The following MEGF10 variants were observed in gnomAD, a reference collection of about 807,000 sequenced individuals.
MEGF10 encodes the protein multiple EGF like domains 10.
MEGF10 carries 86 observed loss-of-function variants against 147.5 expected under a neutral mutation model. The ratio of observed to expected loss-of-function variants is 0.58; its 90% CI spans 0.49 to 0.70. The LOEUF (loss-of-function observed/expected upper bound fraction) is 0.70, where lower values mean the gene tolerates loss of function less well. Ranked by LOEUF, MEGF10 falls within the 30% of genes least tolerant of loss-of-function variation. The pLI is 0.00. For missense variants in MEGF10, 1,329 were observed against 1,487.3 expected, an observed-to-expected ratio of 0.89 and a Z score of 1.75; for synonymous variants, 478 against 525.5, an observed-to-expected ratio of 0.91 and a Z score of 1.24.
intron 5 of MEGF10, among the ~76,000 whole-genome samples, chr5:127,384,794 A>G (rs189940157): frequency 1.3e-5 from 2 of 152,340 alleles, no homozygotes; most frequent in Admixed American, 1.3e-4. Context: ...CTTTCAGAGT[A>G]TCTGGAAAAT....
chr5:127,245,696 T>C, the MEGF10 span, among the ~76,000 whole-genome samples: 1 of 152,272 alleles, frequency 6.6e-6, no homozygotes, highest in African/African-American at 2.4e-5. Context: ...AGAAAAGTTT[T>C]GCAAACTATC....
chr5:127,246,494 G>A, the MEGF10 span, among the ~76,000 whole-genome samples: 2 of 151,820 alleles, frequency 1.3e-5, no homozygotes, highest in South Asian at 2.1e-4. Flanking sequence ...TAGGAGAAAT[G>A]CCTAATGTAG....
At chr5:127,259,710 C>T in the MEGF10 span, among the ~76,000 whole-genome samples, 2 of 152,134 alleles carry the variant, frequency 1.3e-5, no homozygotes, top group East Asian at 1.9e-4. Flanking sequence ...CACTCTGGAA[C>T]CATGGGAAAC....
chr5:127,420,342 G>A, intron 12 of MEGF10, 135 bp downstream of exon 12: 1 of 936,248 alleles, frequency 1.1e-6, no homozygotes, highest in Non-Finnish European at 1.6e-6. Flanking sequence ...GAAGAATCCA[G>A]GTATTTGGAT....
At chr5:127,391,091 C>CGT (rs1763649673) in intron 5 of MEGF10, among the ~76,000 whole-genome samples, 2 of 23,752 alleles carry the variant, frequency 8.4e-5, no homozygotes, top group Admixed American at 4.2e-4. Context: ...CACACATGCG[C>CGT]GCGCGCGCGC....
chr5:127,338,786 C>A (rs528720374), intron 2 of MEGF10, among the ~76,000 whole-genome samples: 8 of 151,962 alleles, frequency 5.3e-5, no homozygotes, highest in Admixed American at 2.6e-4. Context: ...CTTTGTTATG[C>A]TTTGAGCCCT....
chr5:127,322,513 A>G (rs1192722585), intron 1 of MEGF10, among the ~76,000 whole-genome samples: 2 of 152,136 alleles, frequency 1.3e-5, no homozygotes, highest in Non-Finnish European at 2.9e-5. Flanking sequence ...ATGCCCATAC[A>G]TGTTTTGTAA....
chr5:127,314,602 A>G (rs950899759), intron 1 of MEGF10, among the ~76,000 whole-genome samples: 1 of 152,228 alleles, frequency 6.6e-6, no homozygotes, highest in African/African-American at 2.4e-5. Context: ...CAAAGAGAGA[A>G]GTAAGTTGAC....
chr5:127,287,629 A>AGGG (rs1158454038), upstream of MEGF10, among the ~76,000 whole-genome samples: 2 of 152,016 alleles, frequency 1.3e-5, no homozygotes, highest in African/African-American at 2.4e-5. Context: ...GGTTAGAGGA[A>AGGG]TCGATATTTT....
intron 3 of MEGF10, among the ~76,000 whole-genome samples, chr5:127,339,805 C>T (rs1222941875): frequency 2.0e-5 from 3 of 152,152 alleles, no homozygotes; most frequent in Non-Finnish European, 2.9e-5. Context: ...TGATGTTATG[C>T]TCAATGTCAT....
intron 4 of MEGF10, among the ~76,000 whole-genome samples, chr5:127,349,625 C>T (rs762596834): frequency 1.3e-5 from 2 of 151,584 alleles, no homozygotes; most frequent in African/African-American, 2.4e-5. Context: ...TTTCACTTAC[C>T]GTAACCATAA....
rs762560221 is a variant in MEGF10 at position 127,440,868 on chromosome 5, G to GT, written c.2362+2dup. 21 of 1,613,590 alleles carry GT rather than the reference G, an allele frequency of 1.3e-5. No individual in the cohort carries two copies. The East Asian group carries it at 4.5e-4, about 34-fold the overall frequency. On this transcript the variant is annotated splice_donor_variant, in intron 18 of 24. Transcript: ENST00000503335. LOFTEE classifies it high-confidence loss of function. ...TTCATGGGACGGCACTGTGAGCAGA[G>GT]TAAGTATGAGAGTGTGGCATCACTG...
the MEGF10 span, among the ~76,000 whole-genome samples, chr5:127,246,358 A>C: frequency 6.6e-6 from 1 of 152,178 alleles, no homozygotes; most frequent in Non-Finnish European, 1.5e-5. Context: ...ACAGAAACAG[A>C]GAACCAAACA....
In MEGF10 at chr5:127,443,158, C is replaced by T. The variant is rs7737871; in HGVS notation, c.2491+32C>T. 0.054 allele frequency: 86,412 copies of T among 1,594,832 alleles called. 2,620 individuals are homozygous for T. Among genetic ancestry groups the T allele is most frequent in the South Asian group, 0.08 (7,042 of 87,508 alleles). The stretch of plus-strand genomic sequence containing the variant: ...ATACTAGCTAATGTTTGTAGCACTG[C>T]AGTATTGTGTGAACACCATGTACCA... On this transcript the variant is annotated intron_variant, in intron 19 of 24. Coordinates refer to ENST00000503335, the MANE Select transcript of MEGF10 (RefSeq NM_001256545.2).
intron 4 of MEGF10, among the ~76,000 whole-genome samples, chr5:127,353,101 A>G (rs1762146355): frequency 6.6e-6 from 1 of 152,172 alleles, no homozygotes; most frequent in African/African-American, 2.4e-5. Context: ...TACCTCTCCC[A>G]TGAGCATTGT....
At chr5:127,252,904 AT>A in the MEGF10 span, among the ~76,000 whole-genome samples, 845 of 150,120 alleles carry the variant, frequency 5.6e-3, 4 homozygotes, top group East Asian at 0.023. Flanking sequence ...AAAGACATGA[AT>A]TTTTTTTTTG....
chr5:127,370,993 G>A (rs531101280), intron 5 of MEGF10, among the ~76,000 whole-genome samples: 1 of 152,138 alleles, frequency 6.6e-6, no homozygotes, highest in Non-Finnish European at 1.5e-5. Flanking sequence ...ATTTCAATAA[G>A]CTGATTTTAA....
At position 127,406,175 on chromosome 5, in the gene MEGF10, A is replaced by G. The variant is rs574195884; in HGVS notation, c.917+3493A>G. ...AATTTCAAATTAGAGGTAGCACAAG[A>G]ACAATAAACATACAAGGCAAATGAG... On this transcript the variant is annotated intron_variant, in intron 8 of 24. Transcript: ENST00000503335. Among the ~76,000 whole-genome samples the G allele has an allele frequency of 9.5e-4, 144 of 152,312 alleles. 2 individuals carry two copies. Among genetic ancestry groups the G allele is most frequent in the Admixed American group, 1.7e-3 (26 of 15,290 alleles).
chr5:127,281,216 G>A, the MEGF10 span, among the ~76,000 whole-genome samples: 1 of 152,082 alleles, frequency 6.6e-6, no homozygotes, highest in Non-Finnish European at 1.5e-5. Context: ...CGGCCCTCTG[G>A]GTGTTATACT....
Sources: allele counts gnomAD v4.1 joint callset (sites outside exome capture counted in the v4.1 genomes callset), GRCh38; gene constraint gnomAD v4.1.1; transcripts MANE v1.5; gene names NCBI Gene and HGNC (gene_info 2026-07-23, HGNC 2026-07-21).